Variants in HDAC4 observed in about 807,000 individuals in gnomAD.
HDAC4 encodes the protein histone deacetylase 4.
HDAC4 carries 16 observed loss-of-function variants against 135.1 expected under a neutral mutation model. That is an observed-to-expected ratio of 0.12 (90% CI 0.08 to 0.18). HDAC4 has a LOEUF of 0.18. Among genes scored for constraint, HDAC4 ranks in the 10% least tolerant of loss-of-function variants. The pLI, the probability that HDAC4 is intolerant of heterozygous loss-of-function variation, is 1.00. For synonymous variants in HDAC4, 685 were observed against 653.4 expected, an observed-to-expected ratio of 1.05 and a Z score of -0.74; for missense variants, 1,143 against 1,511.8, an observed-to-expected ratio of 0.76 and a Z score of 4.05.
upstream of HDAC4, chr2:239,401,644 A>G (rs1469492709): frequency 3.9e-6 from 1 of 259,056 alleles, no homozygotes; most frequent in Non-Finnish European, 7.6e-6. Flanking sequence ...CATCTTGGAT[A>G]CTGGCAGTGG....
At chr2:239,373,835 G>A (rs1476002219) in intron 1 of HDAC4, among the ~76,000 whole-genome samples, 1 of 152,140 alleles carries the variant, frequency 6.6e-6, no homozygotes, top group African/African-American at 2.4e-5. Flanking sequence ...ATCTTTGTCC[G>A]CTTCTAGAGA....
At chr2:239,401,597 C>A (rs73106726), upstream of HDAC4, 2 of 248,304 alleles carry the variant, frequency 8.1e-6, no homozygotes, top group Non-Finnish European at 1.6e-5. Flanking sequence ...GGGGTGCAGG[C>A]TAACGCGGGG....
At chr2:239,358,086 C>G (rs1055038033) in intron 1 of HDAC4, among the ~76,000 whole-genome samples, 2 of 152,296 alleles carry the variant, frequency 1.3e-5, no homozygotes, top group South Asian at 4.1e-4. Flanking sequence ...CACACGTCTT[C>G]GTGGGCCTGA....
intron 17 of HDAC4, chr2:239,094,774 C>T (rs2036845664): frequency 5.8e-6 from 8 of 1,386,348 alleles, no homozygotes; most frequent in African/African-American, 1.5e-5. Flanking sequence ...AGAGCCACTG[C>T]ACCCCAGAGC....
chr2:239,214,958 G>C (rs151187832), intron 3 of HDAC4, among the ~76,000 whole-genome samples: 197 of 152,296 alleles, frequency 1.3e-3, no homozygotes, highest in African/African-American at 4.6e-3. Context: ...TCAGGAGCCT[G>C]CTTTCAAACT....
intron 2 of HDAC4, among the ~76,000 whole-genome samples, chr2:239,326,854 C>A (rs556634260): frequency 1.3e-5 from 2 of 152,332 alleles, no homozygotes; most frequent in South Asian, 4.1e-4. Context: ...TGAGGCCTCT[C>A]TGAATGCTGA....
chr2:239,129,781 G>A lies in HDAC4; in HGVS notation c.1295-3087C>T, dbSNP rs1319516530. Among the ~76,000 whole-genome samples, 3 of 152,142 alleles carry A rather than the reference G, an allele frequency of 2.0e-5. No individual in the cohort carries two copies. In the East Asian group the frequency reaches 5.8e-4, roughly 29 times the overall value. On this transcript the variant is annotated intron_variant, in intron 11 of 26. Coordinates refer to ENST00000543185, the MANE Select transcript of HDAC4 (RefSeq NM_001378414.1). ...CACAATAATTGCAATGACAGTTCCC[G>A]AGTGAGCATGCTGGAATGCACCCAG...
Position 239,190,174 on chromosome 2 carries a change from C to CGG in HDAC4, c.95-99_95-98dup, listed in dbSNP as rs74761897. 2.2e-3 allele frequency: 2,388 copies of CGG among 1,070,448 alleles called. 19 individuals are homozygous for CGG. The highest frequency in any genetic ancestry group is 0.021 in the African/African-American group (1,072 of 51,236). The allele number at this position is 1,070,448 out of a possible 1,614,324, so 66.3% of individuals were successfully genotyped here. A position where few individuals can be genotyped will look rare whatever the true frequency, so the allele number is the denominator to read the frequency against. ...CAACACACTGGCCACCTTCACGGGG[C>CGG]GGGGGGGGGGTTGTGACCATTTGAG... On this transcript the variant is annotated intron_variant, in intron 3 of 26. Coordinates refer to ENST00000543185, the MANE Select transcript of HDAC4 (RefSeq NM_001378414.1).
upstream of HDAC4, chr2:239,401,461 G>T: frequency 6.1e-6 from 1 of 163,378 alleles, no homozygotes; most frequent in East Asian, 1.9e-4. Flanking sequence ...CGCAGGGACC[G>T]GGGGCCAGTA....
intron 21 of HDAC4, 150 bp from the exon 22 acceptor site, chr2:239,081,342 T>C: frequency 1.4e-6 from 1 of 703,934 alleles, no homozygotes; most frequent in Non-Finnish European, 2.5e-6. Flanking sequence ...TGCATATTCA[T>C]TAAGACGCGT....
chr2:239,208,946 G>A (rs1001931528), intron 3 of HDAC4, among the ~76,000 whole-genome samples: 9 of 152,172 alleles, frequency 5.9e-5, no homozygotes, highest in Non-Finnish European at 8.8e-5. Flanking sequence ...GCAGTGGCAC[G>A]ATCATGGCTC....
intron 2 of HDAC4, among the ~76,000 whole-genome samples, chr2:239,344,221 G>C (rs755170383): frequency 6.6e-6 from 1 of 151,962 alleles, no homozygotes; most frequent in African/African-American, 2.4e-5. Context: ...TCTGTTCCCC[G>C]CCAAGCTGTG....
At chr2:239,053,886 C>T (rs1406612337) in intron 25 of HDAC4, among the ~76,000 whole-genome samples, 1 of 152,098 alleles carries the variant, frequency 6.6e-6, no homozygotes, top group Admixed American at 6.5e-5. Flanking sequence ...CCTGGCTTTC[C>T]ACGCTCACGG....
At chr2:239,292,976 C>T (rs756432739) in intron 2 of HDAC4, among the ~76,000 whole-genome samples, 21 of 152,182 alleles carry the variant, frequency 1.4e-4, no homozygotes, top group Admixed American at 6.5e-4. Context: ...CCATTAGATA[C>T]AGTTTTACTT....
intron 22 of HDAC4, chr2:239,080,813 C>T: frequency 1.9e-6 from 1 of 515,516 alleles, no homozygotes; most frequent in African/African-American, 1.9e-5. Context: ...GCACAAAAGT[C>T]CCTGCCTCTG....
intron 16 of HDAC4, chr2:239,102,535 A>G: frequency 1.9e-6 from 1 of 527,672 alleles, no homozygotes; most frequent in Non-Finnish European, 3.4e-6. Context: ...CTCTGATTCA[A>G]GATGCTTCTA....
intron 2 of HDAC4, among the ~76,000 whole-genome samples, chr2:239,273,500 G>A (rs570956852): frequency 3.3e-5 from 5 of 152,204 alleles, no homozygotes; most frequent in African/African-American, 1.2e-4. Flanking sequence ...ACCTGATTCA[G>A]GAGTGAGTGT....
intron 3 of HDAC4, among the ~76,000 whole-genome samples, chr2:239,222,640 G>A (rs1424154199): frequency 4.6e-5 from 7 of 151,848 alleles, no homozygotes; most frequent in East Asian, 1.9e-4. Flanking sequence ...AGAACCATCC[G>A]TCTGAGATGC....
intron 3 of HDAC4, among the ~76,000 whole-genome samples, chr2:239,234,127 C>T (rs1416428442): frequency 1.3e-5 from 2 of 152,190 alleles, no homozygotes; most frequent in Non-Finnish European, 1.5e-5. Flanking sequence ...GAACACGCTT[C>T]ACATTAGAGG....
Sources: allele counts gnomAD v4.1 joint callset (sites outside exome capture counted in the v4.1 genomes callset), GRCh38; gene constraint gnomAD v4.1.1; transcripts MANE v1.5; gene names NCBI Gene and HGNC (gene_info 2026-07-23, HGNC 2026-07-21).